The following PCF11 variants were observed in gnomAD, a reference collection of about 807,000 sequenced individuals.
PCF11 encodes PCF11 cleavage and polyadenylation factor subunit.
PCF11 carries 19 observed loss-of-function variants against 166.1 expected under a neutral mutation model. That is an observed-to-expected ratio of 0.11 (90% CI 0.08 to 0.17). The LOEUF (loss-of-function observed/expected upper bound fraction) is 0.17, where lower values mean the gene tolerates loss of function less well. Among genes scored for constraint, PCF11 ranks in the 10% least tolerant of loss-of-function variants. The pLI is 1.00. For missense variants in PCF11, 1,565 were observed against 1,855.5 expected (o/e 0.84, Z 2.88); for synonymous variants, 663 against 644.1 (o/e 1.03, Z -0.44).
exon 16 of PCF11, chr11:83,185,085 C>G (rs1440311598): frequency 2.1e-6 from 1 of 478,620 alleles, no homozygotes; most frequent in African/African-American, 2.0e-5. Flanking sequence ...GTTTCAGGTG[C>G]TTGTTGTGTG....
At chr11:83,166,281 G>C (rs1420135343) in exon 5 of PCF11, 1 of 1,613,264 alleles carries the variant, frequency 6.2e-7, no homozygotes, top group African/African-American at 1.3e-5. Context: ...TACAATAACA[G>C]AAGAGTCAGA....
exon 16 of PCF11, chr11:83,184,958 A>C (rs1221777618): frequency 9.7e-6 from 11 of 1,137,038 alleles, no homozygotes; most frequent in African/African-American, 8.0e-5. Flanking sequence ...GAAGGTGAAG[A>C]ATTTTTTTAT....
At chr11:83,170,135 A>AT in intron 8 of PCF11, 140 bp downstream of exon 8, 1 of 642,102 alleles carries the variant, frequency 1.6e-6, no homozygotes, top group Non-Finnish European at 2.4e-6. Context: ...CATGCTAAGG[A>AT]AGTGGGATGA....
intron 2 of PCF11, among the ~76,000 whole-genome samples, chr11:83,163,457 T>C (rs982030850): frequency 1.3e-5 from 2 of 152,160 alleles, no homozygotes; most frequent in East Asian, 1.9e-4. Flanking sequence ...ATAGAAAGGC[T>C]CACCTGGTTG....
chr11:83,185,708 T>TAAC (rs1162706263), exon 16 of PCF11: 1 of 152,678 alleles, frequency 6.5e-6, no homozygotes, highest in African/African-American at 2.4e-5. Context: ...GAGATATGGT[T>TAAC]AACTTTTTTC....
Position 83,182,495 on chromosome 11 carries a change from A to AT in PCF11, c.4416+8dup. The stretch of plus-strand genomic sequence containing the variant: ...TGCTATTAGAGTAGATGGAAAGGTA[A>AT]TTTTCATTTCTTTATAAGGAAGTGT... On this transcript the variant is annotated splice_donor_region_variant and intron_variant, in intron 14 of 15. Transcript: ENST00000298281. 7.3e-7 allele frequency: 1 copy of AT among 1,361,136 alleles called. No homozygotes were observed. Among genetic ancestry groups the AT allele is most frequent in the Admixed American group, 1.7e-5 (1 of 58,588 alleles). The allele number at this position is 1,361,136 out of a possible 1,614,324, so 84.3% of individuals were successfully genotyped here. A position where few individuals can be genotyped will look rare whatever the true frequency, so the allele number is the denominator to read the frequency against.
chr11:83,171,678 T>G, intron 8 of PCF11, 140 bp from the exon 9 acceptor site: 1 of 655,234 alleles, frequency 1.5e-6, no homozygotes, highest in Non-Finnish European at 2.7e-6. Context: ...AGTGAAGTGA[T>G]GCAGCCAAGT....
intron 2 of PCF11, 48 bp downstream of exon 2, chr11:83,161,500 TC>T (rs1411831311): frequency 7.2e-7 from 1 of 1,379,426 alleles, no homozygotes; most frequent in Admixed American, 2.9e-5. Flanking sequence ...AAAAATGTGT[TC>T]CTGATTAAAT....
intron 1 of PCF11, among the ~76,000 whole-genome samples, chr11:83,159,192 A>G (rs115060665): frequency 0.02 from 3,079 of 152,228 alleles, 103 homozygotes; most frequent in African/African-American, 0.07. Context: ...AAGTGTATGT[A>G]AAACAGCTTT....
At chr11:83,165,801 A>G in exon 5 of PCF11, 1 of 1,611,714 alleles carries the variant, frequency 6.2e-7, no homozygotes, top group Non-Finnish European at 8.5e-7. Context: ...TCTGAACAGG[A>G]TAAGCCAACA....
chr11:83,176,037 G>A (rs528547858), intron 9 of PCF11, among the ~76,000 whole-genome samples: 11 of 152,266 alleles, frequency 7.2e-5, no homozygotes, highest in East Asian at 3.9e-4. Context: ...TTCCTGTTAC[G>A]TCAGGGAGCA....
intron 7 of PCF11, 138 bp from the exon 8 acceptor site, chr11:83,168,290 T>G: frequency 2.5e-6 from 2 of 798,592 alleles, no homozygotes; most frequent in South Asian, 1.9e-5. Context: ...GGGCATCCTC[T>G]TATCTGCTGC....
intron 13 of PCF11, 99 bp from the exon 14 acceptor site, chr11:83,182,300 T>C: frequency 1.5e-6 from 1 of 673,286 alleles, no homozygotes; most frequent in Non-Finnish European, 2.6e-6. Flanking sequence ...GGAACACTCA[T>C]AAATTCTTTA....
chr11:83,168,816 A>C (rs1237983278), exon 8 of PCF11: 1 of 1,613,804 alleles, frequency 6.2e-7, no homozygotes, highest in South Asian at 1.1e-5. Context: ...CTCCAGGACC[A>C]GTGGGGACAC....
At chr11:83,187,369 T>C (rs1463183971) in exon 16 of PCF11, 1 of 152,010 alleles carries the variant, frequency 6.6e-6, no homozygotes, top group Non-Finnish European at 1.5e-5. Context: ...ATGGACGAGG[T>C]AGTCAACAAA....
chr11:83,183,574 TC>T (rs1259938791), intron 15 of PCF11, among the ~76,000 whole-genome samples: 5 of 152,080 alleles, frequency 3.3e-5, no homozygotes, highest in African/African-American at 4.8e-5. Context: ...CACTGCAACC[TC>T]CACCTCCTGG....
chr11:83,181,313 C>G (rs1174251539), intron 12 of PCF11, 122 bp downstream of exon 12: 1 of 286,212 alleles, frequency 3.5e-6, no homozygotes, highest in African/African-American at 2.2e-5. Context: ...ATTTTAATAA[C>G]TGCTGGAATC....
intron 5 of PCF11, among the ~76,000 whole-genome samples, 158 bp downstream of exon 5, chr11:83,166,872 TTACAGA>T (rs1416094761): frequency 6.6e-6 from 1 of 152,202 alleles, no homozygotes; most frequent in East Asian, 1.9e-4. Flanking sequence ...TATTTCTATT[TTACAGA>T]TAAGGAAACT....
chr11:83,167,365 TA>T lies in PCF11; in HGVS notation c.2002-49del. ...CATTATCTATCGTCTATTTTTTTGG[TA>T]TTTTTTTATATTTAAAATATTTTAT... is the stretch of plus-strand genomic sequence containing the variant. On this transcript the variant is annotated intron_variant, in intron 6 of 15. Coordinates refer to ENST00000298281, the Ensembl canonical transcript of PCF11. The surrounding 1 kb of genome is among the most constrained non-coding windows in gnomAD (Gnocchi z 4.2). 2 of 1,514,446 alleles carry T rather than the reference TA, an allele frequency of 1.3e-6. No homozygotes were observed. Among genetic ancestry groups the T allele is most frequent in the Non-Finnish European group, 1.8e-6 (2 of 1,132,820 alleles). 93.8% of individuals were successfully genotyped at this position (1,514,446 alleles called of 1,614,324 possible).
Sources: gnomAD v4.1 joint callset for allele counts (sites outside exome capture counted in the v4.1 genomes callset) on GRCh38, gnomAD v4.1.1 for gene constraint, Gnocchi (gnomAD v3.1) non-coding constraint, MANE v1.5 for transcripts, NCBI Gene and HGNC (gene_info 2026-07-23, HGNC 2026-07-21) for gene names.